Variants in GSE1 observed in about 807,000 individuals in gnomAD.
GSE1 encodes the protein Gse1 coiled-coil protein.
In GSE1, 32 loss-of-function variants were observed where a neutral mutation model predicts 112.6. That is an observed-to-expected ratio of 0.28 (90% CI 0.21 to 0.38). The LOEUF (loss-of-function observed/expected upper bound fraction) is 0.38, where lower values mean the gene tolerates loss of function less well. GSE1 is among the 10% of genes least tolerant of loss of function. The pLI, the probability that GSE1 is intolerant of heterozygous loss-of-function variation, is 1.00. For missense variants in GSE1, 2,348 were observed against 1,699.2 expected (o/e 1.38, Z -6.71); for synonymous variants, 1,115 against 735.6 (o/e 1.52, Z -8.35).
At chr16:85,411,073 C>A (rs1400882941) in intron 2 of GSE1, among the ~76,000 whole-genome samples, 1 of 118,452 alleles carries the variant, frequency 8.4e-6, no homozygotes, top group African/African-American at 4.4e-5. Context: ...CACCGTTGCA[C>A]TCAGGGTCCC....
intron 1 of GSE1, among the ~76,000 whole-genome samples, chr16:85,322,633 T>A (rs1281267826): frequency 1.4e-4 from 19 of 133,818 alleles, no homozygotes; most frequent in African/African-American, 6.4e-4. Context: ...TTTTTTTTTT[T>A]AAGACAGAGT....
chr16:85,605,591 G>A (rs1042198678), intron 1 of GSE1, among the ~76,000 whole-genome samples: 3 of 151,988 alleles, frequency 2.0e-5, no homozygotes, highest in Non-Finnish European at 2.9e-5. Context: ...CTAAGGAAAC[G>A]GGTGTGCAGT....
At chr16:85,271,448 A>G (rs1334245863) in intron 1 of GSE1, among the ~76,000 whole-genome samples, 27 of 152,218 alleles carry the variant, frequency 1.8e-4, no homozygotes, top group Admixed American at 1.7e-3. Flanking sequence ...GGGCTTGGGA[A>G]CTGGTGGGGA....
chr16:85,567,370 C>T (rs370939482), intron 1 of GSE1, among the ~76,000 whole-genome samples: 4 of 152,336 alleles, frequency 2.6e-5, no homozygotes, highest in East Asian at 1.9e-4. Context: ...TGCCCAGCTA[C>T]ACCTGGGGCC....
chr16:85,608,799 T>C (rs150266364), upstream of GSE1, among the ~76,000 whole-genome samples: 1,462 of 152,308 alleles, frequency 9.6e-3, 9 homozygotes, highest in Non-Finnish European at 0.016. Context: ...CAGGTGATCT[T>C]TACCTCCTGG....
chr16:85,365,409 C>G (rs572580495), intron 2 of GSE1, among the ~76,000 whole-genome samples: 4 of 152,326 alleles, frequency 2.6e-5, no homozygotes, highest in African/African-American at 9.6e-5. Flanking sequence ...TCCCTGTGGA[C>G]AAAGGGGCAG....
intron 1 of GSE1, among the ~76,000 whole-genome samples, chr16:85,346,159 G>A (rs1597449938): frequency 2.7e-5 from 4 of 150,266 alleles, no homozygotes; most frequent in South Asian, 2.1e-4. Context: ...GATAGATGGA[G>A]GGGCGGGTGG....
chr16:85,663,238 G>T, intron 10 of GSE1, 106 bp from the exon 11 acceptor site: 1 of 1,381,940 alleles, frequency 7.2e-7, no homozygotes, highest in Non-Finnish European at 1.0e-6. Context: ...ACCAGGCGCA[G>T]CCAGCTACGG....
intron 2 of GSE1, among the ~76,000 whole-genome samples, chr16:85,495,268 G>T (rs1286167133): frequency 2.0e-5 from 3 of 152,032 alleles, no homozygotes; most frequent in Non-Finnish European, 4.4e-5. Context: ...TGTTTTCTGA[G>T]GCAAAGGGTG....
intron 1 of GSE1, among the ~76,000 whole-genome samples, chr16:85,173,851 A>G (rs950078918): frequency 3.4e-4 from 51 of 152,162 alleles, no homozygotes; most frequent in African/African-American, 1.2e-3. Context: ...AGGGGTCAGC[A>G]TGGGTTTGGT....
At chr16:85,547,878 CAAA>C (rs755865916) in intron 2 of GSE1, among the ~76,000 whole-genome samples, 5 of 92,280 alleles carry the variant, frequency 5.4e-5, no homozygotes, top group Non-Finnish European at 8.6e-5. Flanking sequence ...GTCTCTGTCT[CAAA>C]AAAAAAAAAA....
chr16:85,486,342 T>A (rs2050838299), intron 2 of GSE1, among the ~76,000 whole-genome samples: 4 of 152,302 alleles, frequency 2.6e-5, no homozygotes, highest in Admixed American at 2.6e-4. Context: ...TGTTGTCACG[T>A]GCACACGAGC....
At chr16:85,272,490 C>T (rs368088439) in intron 1 of GSE1, among the ~76,000 whole-genome samples, 3 of 152,176 alleles carry the variant, frequency 2.0e-5, no homozygotes, top group Non-Finnish European at 2.9e-5. Flanking sequence ...TGTCACCCTT[C>T]GGCCATAGGT....
chr16:85,589,908 C>T (rs1174798299), intron 1 of GSE1, among the ~76,000 whole-genome samples: 3 of 151,292 alleles, frequency 2.0e-5, no homozygotes, highest in African/African-American at 7.3e-5. Flanking sequence ...GTGATGTGAA[C>T]CTGAGTGATT....
At chr16:85,293,147 CT>C (rs1301503477) in intron 1 of GSE1, among the ~76,000 whole-genome samples, 1 of 152,118 alleles carries the variant, frequency 6.6e-6, no homozygotes, top group Non-Finnish European at 1.5e-5. Flanking sequence ...CACGGATCGG[CT>C]TTTGTCCCCC....
intron 1 of GSE1, 123 bp from the exon 2 acceptor site, chr16:85,633,791 G>A (rs1300725095): frequency 1.5e-6 from 1 of 680,210 alleles, no homozygotes; most frequent in African/African-American, 1.8e-5. Context: ...TTGTCCTGCT[G>A]GAGCCCCCGG....
At chr16:85,476,172 T>A (rs890401024) in intron 2 of GSE1, among the ~76,000 whole-genome samples, 3 of 152,210 alleles carry the variant, frequency 2.0e-5, no homozygotes, top group African/African-American at 7.2e-5. Context: ...GCTCAAGTGA[T>A]CCTCCTGCCT....
intron 1 of GSE1, among the ~76,000 whole-genome samples, chr16:85,324,589 T>A (rs1417438899): frequency 1.3e-5 from 2 of 151,726 alleles, no homozygotes; most frequent in Non-Finnish European, 2.9e-5. Context: ...CACAGCAGCA[T>A]TATTTGTAAT....
At chr16:85,503,611 T>C (rs2051441624) in intron 2 of GSE1, among the ~76,000 whole-genome samples, 1 of 152,134 alleles carries the variant, frequency 6.6e-6, no homozygotes, top group African/African-American at 2.4e-5. Context: ...CAAATTATGA[T>C]CTCTTGCCTT....
Sources: allele counts gnomAD v4.1 joint callset (sites outside exome capture counted in the v4.1 genomes callset), GRCh38; gene constraint gnomAD v4.1.1; transcripts MANE v1.5; gene names NCBI Gene and HGNC (gene_info 2026-07-23, HGNC 2026-07-21).